CDHR3: variants seen among roughly 807,000 people sequenced by gnomAD.
CDHR3 encodes cadherin related family member 3, also known as cadherin-related family member 3.
CDHR3 carries 79 observed loss-of-function variants against 86.6 expected under a neutral mutation model. The observed-to-expected ratio is 0.91, with a 90% CI of 0.76 to 1.10. CDHR3 has a LOEUF of 1.10. Among genes scored for constraint, CDHR3 ranks in the 50% least tolerant of loss-of-function variants. The pLI, the probability that CDHR3 is intolerant of heterozygous loss-of-function variation, is 0.00. For missense variants in CDHR3, 1,081 were observed against 1,077.6 expected, an observed-to-expected ratio of 1.00 and a Z score of -0.04; for synonymous variants, 421 against 402.4, an observed-to-expected ratio of 1.05 and a Z score of -0.55.
intron 9 of CDHR3, 80 bp from the exon 10 acceptor site, chr7:106,015,031 C>G: frequency 9.0e-7 from 1 of 1,107,890 alleles, no homozygotes. Flanking sequence ...TATCCACTAG[C>G]AGTATATGAA....
intron 6 of CDHR3, among the ~76,000 whole-genome samples, chr7:105,997,369 C>G (rs1166531545): frequency 6.6e-6 from 1 of 152,124 alleles, no homozygotes; most frequent in Admixed American, 6.5e-5. Flanking sequence ...GCAGCCTGGG[C>G]TGCAGTTCCT....
chr7:106,000,009 C>G (rs1289505810), intron 6 of CDHR3, among the ~76,000 whole-genome samples: 3 of 152,226 alleles, frequency 2.0e-5, no homozygotes, highest in Non-Finnish European at 4.4e-5. Flanking sequence ...GACCGAGGGG[C>G]TTGGCCCAGC....
intron 8 of CDHR3, among the ~76,000 whole-genome samples, chr7:106,009,181 A>C (rs1315611717): frequency 6.6e-6 from 1 of 152,180 alleles, no homozygotes; most frequent in Non-Finnish European, 1.5e-5. Context: ...AATCTAACCA[A>C]GGCTCAAGTT....
At chr7:106,027,998 A>T (rs1837626548) in intron 16 of CDHR3, among the ~76,000 whole-genome samples, 1 of 152,018 alleles carries the variant, frequency 6.6e-6, no homozygotes, top group Non-Finnish European at 1.5e-5. Context: ...GTGGTAGTGT[A>T]CGCCTGTAGT....
intron 8 of CDHR3, among the ~76,000 whole-genome samples, chr7:106,008,466 T>C (rs149277184): frequency 9.9e-4 from 151 of 152,304 alleles, no homozygotes; most frequent in African/African-American, 3.4e-3. Flanking sequence ...GATTTCCATA[T>C]ACTCTGTGAG....
chr7:105,984,392 CAG>C (rs1013664924), intron 4 of CDHR3, 103 bp downstream of exon 4: 4 of 727,406 alleles, frequency 5.5e-6, no homozygotes, highest in Non-Finnish European at 8.9e-6. Flanking sequence ...CAGTGGCAGT[CAG>C]GGGAATGTGC....
intron 2 of CDHR3, among the ~76,000 whole-genome samples, chr7:105,980,585 GTTTTTTTT>G (rs56057580): frequency 1.9e-5 from 2 of 105,540 alleles, no homozygotes; most frequent in Non-Finnish European, 3.7e-5. Context: ...GTAGTGGAAG[GTTTTTTTT>G]TTTTTTTTTT....
At chr7:106,016,962 G>A (rs1835728897) in intron 11 of CDHR3, among the ~76,000 whole-genome samples, 1 of 152,166 alleles carries the variant, frequency 6.6e-6, no homozygotes, top group Admixed American at 6.5e-5. Flanking sequence ...TGCCCTTGAG[G>A]AGTGTAATTT....
At chr7:106,012,287 G>GT (rs1246909048) in intron 8 of CDHR3, among the ~76,000 whole-genome samples, 2 of 152,074 alleles carry the variant, frequency 1.3e-5, no homozygotes, top group Non-Finnish European at 2.9e-5. Context: ...GAGGGGAATA[G>GT]GAGAGGAAGT....
Position 106,012,893 on chromosome 7 carries a change from G to T in CDHR3, c.1086G>T (p.Thr362=). 6.2e-7 allele frequency: 1 copy of T among 1,611,456 alleles called. No individual in the cohort carries two copies. The highest frequency in any genetic ancestry group is 8.5e-7 in the Non-Finnish European group (1 of 1,179,010). The change falls in exon 9 of 19, where the codon ACG becomes ACT. Residue 362 remains threonine, a synonymous_variant. Coordinates refer to ENST00000317716, the MANE Select transcript of CDHR3 (RefSeq NM_152750.5). ...IMVPERTAKG[T]LLLDLNKFCF... Reference sequence around the variant, plus strand: ...TGCCGGAAAGAACAGCCAAGGGGACGTTGCTTCTTGACCTAAACAAGTTCT... The same window carrying T: ...TGCCGGAAAGAACAGCCAAGGGGACTTTGCTTCTTGACCTAAACAAGTTCT...
chr7:106,021,766 C>T (rs1023025291), intron 13 of CDHR3, among the ~76,000 whole-genome samples: 22 of 152,222 alleles, frequency 1.4e-4, no homozygotes, highest in Non-Finnish European at 3.2e-4. Context: ...GTGAACTTGG[C>T]CTATGGCTAG....
In CDHR3 at chr7:105,996,368, C is replaced by T. The variant is rs945976205; in HGVS notation, c.713+14C>T. Reference sequence around the variant, plus strand: ...TCGCTTTACCAGGTAGGCCTGAGGGCATGCAGGACTCCCTGGGCCGCAGGT... The same window carrying T: ...TCGCTTTACCAGGTAGGCCTGAGGGTATGCAGGACTCCCTGGGCCGCAGGT... On this transcript the variant is annotated intron_variant, in intron 6 of 18. Transcript: ENST00000317716. The T allele has an allele frequency of 1.3e-6, 2 of 1,514,816 alleles. No individual in the cohort carries two copies. Among genetic ancestry groups the T allele is most frequent in the African/African-American group, 1.4e-5 (1 of 73,130 alleles). The allele number at this position is 1,514,816 out of a possible 1,614,324, so 93.8% of individuals were successfully genotyped here.
rs937407032 is a variant in CDHR3, at chr7:106,001,679, T to C, written c.862+69T>C. ...CCATGTGGATTGTCTTACAATGTAG[T>C]TGTCCCTCGTTACCCATGAGAATTG... On this transcript the variant is annotated intron_variant, in intron 7 of 18. Coordinates refer to ENST00000317716, the MANE Select transcript of CDHR3 (RefSeq NM_152750.5). 430 of 1,578,708 alleles carry C rather than the reference T, an allele frequency of 2.7e-4. 3 individuals are homozygous for C. The highest frequency in any genetic ancestry group is 1.3e-3 in the Middle Eastern group (8 of 5,972).
intron 12 of CDHR3, among the ~76,000 whole-genome samples, chr7:106,019,038 A>G (rs1396518727): frequency 6.6e-6 from 1 of 152,180 alleles, no homozygotes; most frequent in Non-Finnish European, 1.5e-5. Context: ...AGCCACAAAG[A>G]CCAAACTATT....
intron 1 of CDHR3, among the ~76,000 whole-genome samples, chr7:105,966,722 C>T (rs1826991400): frequency 6.6e-6 from 1 of 152,184 alleles, no homozygotes; most frequent in African/African-American, 2.4e-5. Flanking sequence ...TCAGCTCTTC[C>T]TTGCCCATGG....
chr7:106,009,579 A>G (rs991325753), intron 8 of CDHR3, among the ~76,000 whole-genome samples: 1 of 152,154 alleles, frequency 6.6e-6, no homozygotes, highest in African/African-American at 2.4e-5. Context: ...CAGGTGGCAG[A>G]GCGGGTGAGG....
At chr7:105,997,321 C>T (rs1486887090) in intron 6 of CDHR3, among the ~76,000 whole-genome samples, 1 of 152,194 alleles carries the variant, frequency 6.6e-6, no homozygotes, top group Admixed American at 6.5e-5. Flanking sequence ...GTCTACAGTC[C>T]AGTTGCAGGT....
chr7:105,999,313 G>A (rs879402127), intron 6 of CDHR3, among the ~76,000 whole-genome samples: 1 of 152,154 alleles, frequency 6.6e-6, no homozygotes, highest in African/African-American at 2.4e-5. Context: ...AGAATATTTC[G>A]CCTGAGGAGC....
At chr7:106,025,245 A>G (rs1391761069) in intron 15 of CDHR3, among the ~76,000 whole-genome samples, 1 of 152,184 alleles carries the variant, frequency 6.6e-6, no homozygotes, top group Non-Finnish European at 1.5e-5. Flanking sequence ...GATTCTCAGT[A>G]GCTCTTACAA....
Sources: gnomAD v4.1 joint callset for allele counts (sites outside exome capture counted in the v4.1 genomes callset) on GRCh38, gnomAD v4.1.1 for gene constraint, MANE v1.5 for transcripts, NCBI Gene and HGNC (gene_info 2026-07-23, HGNC 2026-07-21) for gene names.